Variants in PAPPA2 observed in about 807,000 individuals in gnomAD.
PAPPA2 encodes the protein pappalysin-2.
PAPPA2 carries 86 observed loss-of-function variants against 176.4 expected under a neutral mutation model. The observed-to-expected ratio is 0.49, with a 90% CI of 0.41 to 0.58. PAPPA2 has a LOEUF of 0.58. Ranked by LOEUF, PAPPA2 falls within the 20% of genes least tolerant of loss-of-function variation. The probability of loss-of-function intolerance (pLI) is 0.00; values close to 1 mark genes in which losing one functional copy is unlikely to be tolerated. For missense variants in PAPPA2, 2,073 were observed against 2,256.9 expected, an observed-to-expected ratio of 0.92 and a Z score of 1.65; for synonymous variants, 809 against 852.2, an observed-to-expected ratio of 0.95 and a Z score of 0.88.
chr1:176,813,244 A>G (rs541359111), intron 21 of PAPPA2, among the ~76,000 whole-genome samples: 1 of 152,312 alleles, frequency 6.6e-6, no homozygotes, highest in East Asian at 1.9e-4. Context: ...TAGTGCTGCA[A>G]TGAACATACA....
At chr1:176,795,764 T>C (rs905862714) in intron 20 of PAPPA2, among the ~76,000 whole-genome samples, 1 of 152,216 alleles carries the variant, frequency 6.6e-6, no homozygotes, top group Non-Finnish European at 1.5e-5. Context: ...TATGAATTAG[T>C]GAGGTCCAAA....
intron 1 of PAPPA2, among the ~76,000 whole-genome samples, chr1:176,522,296 C>A (rs982400208): frequency 6.6e-6 from 1 of 152,214 alleles, no homozygotes; most frequent in Admixed American, 6.5e-5. Flanking sequence ...CCTCATTCTT[C>A]AAATGCCTTT....
chr1:176,595,424 A>G lies in PAPPA2; in HGVS notation c.1820A>G (p.Tyr607Cys), dbSNP rs1323734832. The G allele has an allele frequency of 6.2e-7, 1 of 1,614,208 alleles. No individual in the cohort carries two copies. The highest frequency in any genetic ancestry group is 1.1e-5 in the South Asian group (1 of 91,086). Residue 607 changes from tyrosine (Y) to cysteine (C), a missense_variant, in exon 3 of 23, where the codon TAT becomes TGT. Physicochemically the swap from Tyr to Cys is radical, Grantham distance 194. This residue lies in a region of PAPPA2 where 1,196 missense variants were observed against 1,330.4 expected (regional missense o/e 0.90). Coordinates refer to ENST00000367662, the MANE Select transcript of PAPPA2 (RefSeq NM_020318.3). ...DPECEHPLTGYDGGDCRLQGR... is the reference protein window; with the variant it reads ...DPECEHPLTGCDGGDCRLQGR... ...GAGTGTGAGCACCCACTCACAGGCT[A>G]TGATGGGGGTGACTGCCGCCTGCAG... is the stretch of plus-strand genomic sequence containing the variant.
chr1:176,821,986 C>T (rs1021526313), intron 21 of PAPPA2, among the ~76,000 whole-genome samples: 1 of 152,170 alleles, frequency 6.6e-6, no homozygotes, highest in African/African-American at 2.4e-5. Context: ...TGATTGATAC[C>T]AGATTGCAAT....
chr1:176,796,733 C>T (rs1665458225), intron 20 of PAPPA2, among the ~76,000 whole-genome samples: 1 of 125,650 alleles, frequency 8.0e-6, no homozygotes, highest in South Asian at 2.4e-4. Context: ...TTCTTTCTTT[C>T]TCTCTTTCTC....
chr1:176,760,500 A>C (rs1663649161), intron 14 of PAPPA2, among the ~76,000 whole-genome samples: 1 of 152,214 alleles, frequency 6.6e-6, no homozygotes, highest in Admixed American at 6.5e-5. Context: ...ATCCCACTGC[A>C]GGCCTATGGA....
At chr1:176,814,042 T>C (rs1321758806) in intron 21 of PAPPA2, among the ~76,000 whole-genome samples, 7 of 152,190 alleles carry the variant, frequency 4.6e-5, no homozygotes, top group Non-Finnish European at 7.3e-5. Context: ...AAAAAGGGAA[T>C]CCATTCCTCA....
intron 3 of PAPPA2, among the ~76,000 whole-genome samples, chr1:176,626,185 C>T (rs758047565): frequency 3.9e-5 from 6 of 152,194 alleles, no homozygotes; most frequent in Non-Finnish European, 7.3e-5. Context: ...ACATTTCTGT[C>T]TGATTTCACT....
intron 20 of PAPPA2, among the ~76,000 whole-genome samples, chr1:176,796,931 C>T (rs1000346692): frequency 2.0e-5 from 3 of 151,386 alleles, no homozygotes; most frequent in African/African-American, 7.3e-5. Flanking sequence ...TCTTTTCTTC[C>T]TTTCTTTTCC....
chr1:176,726,568 A>T (rs1009667246), intron 12 of PAPPA2, among the ~76,000 whole-genome samples: 2 of 152,242 alleles, frequency 1.3e-5, no homozygotes, highest in Admixed American at 1.3e-4. Context: ...ACTGGTCTAG[A>T]CTGAAAAGAG....
chr1:176,486,473 TACA>T (rs963820860), intron 1 of PAPPA2, among the ~76,000 whole-genome samples: 14 of 152,282 alleles, frequency 9.2e-5, no homozygotes, highest in Admixed American at 2.6e-4. Flanking sequence ...GTAGAATATG[TACA>T]ACAAGAGAAG....
At chr1:176,741,518 A>T (rs1337923491) in intron 14 of PAPPA2, among the ~76,000 whole-genome samples, 4 of 152,160 alleles carry the variant, frequency 2.6e-5, no homozygotes, top group Admixed American at 6.5e-5. Flanking sequence ...TCTTTTTATA[A>T]CATAATATTG....
chr1:176,589,417 A>G (rs1653516685), intron 2 of PAPPA2, among the ~76,000 whole-genome samples: 1 of 152,334 alleles, frequency 6.6e-6, no homozygotes, highest in Non-Finnish European at 1.5e-5. Context: ...TTAATGAAAT[A>G]TCCTCCCTCA....
At chr1:176,511,605 TG>T (rs1648601414) in intron 1 of PAPPA2, among the ~76,000 whole-genome samples, 1 of 152,176 alleles carries the variant, frequency 6.6e-6, no homozygotes, top group Non-Finnish European at 1.5e-5. Flanking sequence ...TCTGTGAAGA[TG>T]TTTCTAAAAG....
At chr1:176,696,707 T>C (rs567593826) in intron 7 of PAPPA2, among the ~76,000 whole-genome samples, 1 of 152,328 alleles carries the variant, frequency 6.6e-6, no homozygotes, top group East Asian at 1.9e-4. Context: ...TCATCTTTTT[T>C]CTTTGCCTTT....
At chr1:176,691,158 A>G in intron 5 of PAPPA2, 1 of 984,364 alleles carries the variant, frequency 1.0e-6, no homozygotes, top group Non-Finnish European at 1.2e-6. Flanking sequence ...GTTTCCTATA[A>G]TGGACTCAAA....
At chr1:176,818,116 G>C (rs1666482177) in intron 21 of PAPPA2, among the ~76,000 whole-genome samples, 1 of 152,130 alleles carries the variant, frequency 6.6e-6, no homozygotes, top group African/African-American at 2.4e-5. Context: ...ATGGTGAAGA[G>C]TGTTAAATGC....
chr1:176,767,050 T>A (rs1664002421), intron 15 of PAPPA2, among the ~76,000 whole-genome samples: 1 of 152,138 alleles, frequency 6.6e-6, no homozygotes, highest in Non-Finnish European at 1.5e-5. Flanking sequence ...ACAGCTTTAA[T>A]ATACCTTGAG....
At chr1:176,647,764 A>G (rs578150783) in intron 3 of PAPPA2, among the ~76,000 whole-genome samples, 3 of 150,924 alleles carry the variant, frequency 2.0e-5, no homozygotes, top group East Asian at 2.0e-4. Flanking sequence ...CTTTGTTCCA[A>G]CTGTCAATGG....
Sources: gnomAD v4.1 joint callset for allele counts (sites outside exome capture counted in the v4.1 genomes callset) on GRCh38, gnomAD v4.1.1 for gene constraint, gnomAD v4.1.1 regional missense constraint, MANE v1.5 for transcripts, NCBI Gene and HGNC (gene_info 2026-07-23, HGNC 2026-07-21) for gene names.